Variants in FSTL5 observed in about 807,000 individuals in gnomAD.
FSTL5 encodes the protein follistatin-related protein 5.
FSTL5 carries 62 observed loss-of-function variants against 89.1 expected under a neutral mutation model. The observed-to-expected ratio is 0.70, with a 90% CI of 0.57 to 0.86. The LOEUF (loss-of-function observed/expected upper bound fraction) is 0.86, where lower values mean the gene tolerates loss of function less well. FSTL5 is among the 40% of genes least tolerant of loss of function. FSTL5 has a pLI of 0.00. For synonymous variants in FSTL5, 383 were observed against 346.2 expected (o/e 1.11, Z -1.18); for missense variants, 1,057 against 1,001.6 (o/e 1.06, Z -0.75).
At chr4:161,704,289 T>G (rs567555708) in intron 6 of FSTL5, among the ~76,000 whole-genome samples, 1 of 152,102 alleles carries the variant, frequency 6.6e-6, no homozygotes, top group African/African-American at 2.4e-5. Flanking sequence ...GAACCAATGT[T>G]CATCTTGCAT....
At chr4:161,566,496 G>A (rs1313516292) in intron 8 of FSTL5, among the ~76,000 whole-genome samples, 1 of 152,008 alleles carries the variant, frequency 6.6e-6, no homozygotes, top group Non-Finnish European at 1.5e-5. Flanking sequence ...TGGATTGAAT[G>A]GTAGTTCAAG....
chr4:162,065,186 C>T (rs543079633), intron 2 of FSTL5, among the ~76,000 whole-genome samples: 3 of 151,928 alleles, frequency 2.0e-5, no homozygotes, highest in Non-Finnish European at 2.9e-5. Flanking sequence ...ATCTCTTTGA[C>T]ATTAATCTTG....
intron 3 of FSTL5, among the ~76,000 whole-genome samples, chr4:161,983,087 T>C (rs938103122): frequency 6.6e-6 from 1 of 152,152 alleles, no homozygotes; most frequent in African/African-American, 2.4e-5. Flanking sequence ...TTTGTACGCA[T>C]TGCACTGACA....
intron 7 of FSTL5, among the ~76,000 whole-genome samples, chr4:161,618,711 C>A (rs1477714935): frequency 1.3e-5 from 2 of 152,098 alleles, no homozygotes; most frequent in African/African-American, 4.8e-5. Context: ...TGATGTGCTG[C>A]TGGATTCGTT....
chr4:161,813,516 AT>A (rs1730231285), intron 4 of FSTL5, among the ~76,000 whole-genome samples: 1 of 152,174 alleles, frequency 6.6e-6, no homozygotes, highest in African/African-American at 2.4e-5. Context: ...AAGCTGTTTA[AT>A]TTCTTTGAAT....
chr4:161,860,258 A>C (rs934846438), intron 4 of FSTL5, among the ~76,000 whole-genome samples: 7 of 151,620 alleles, frequency 4.6e-5, no homozygotes, highest in South Asian at 2.1e-4. Flanking sequence ...ACTGCACTCC[A>C]GCCTAGGCGA....
At chr4:161,773,384 A>T (rs1741279254) in intron 5 of FSTL5, among the ~76,000 whole-genome samples, 1 of 152,236 alleles carries the variant, frequency 6.6e-6, no homozygotes, top group Non-Finnish European at 1.5e-5. Context: ...CAGCAAAAGA[A>T]ACAATCAACA....
intron 3 of FSTL5, among the ~76,000 whole-genome samples, chr4:161,948,786 A>G (rs1734810652): frequency 6.6e-6 from 1 of 151,620 alleles, no homozygotes; most frequent in Non-Finnish European, 1.5e-5. Context: ...GTATTCATGT[A>G]TAATGTATTT....
chr4:161,819,047 TA>T (rs1041313280), intron 4 of FSTL5, among the ~76,000 whole-genome samples: 12 of 152,258 alleles, frequency 7.9e-5, no homozygotes, highest in African/African-American at 2.4e-4. Context: ...ATAAAATGAT[TA>T]AAAGTAGTGC....
At chr4:162,109,675 C>A (rs1475535367) in intron 2 of FSTL5, among the ~76,000 whole-genome samples, 2 of 151,954 alleles carry the variant, frequency 1.3e-5, no homozygotes, top group Non-Finnish European at 2.9e-5. Context: ...TATACTAACA[C>A]ATTAAAACCG....
At chr4:161,522,770 G>A (rs1171093735) in intron 10 of FSTL5, among the ~76,000 whole-genome samples, 1 of 151,624 alleles carries the variant, frequency 6.6e-6, no homozygotes, top group East Asian at 1.9e-4. Context: ...CAGTCAAATA[G>A]TCGATTGCCA....
intron 4 of FSTL5, among the ~76,000 whole-genome samples, chr4:161,871,780 C>G (rs182494453): frequency 1.2e-4 from 19 of 152,038 alleles, no homozygotes; most frequent in South Asian, 4.1e-4. Flanking sequence ...AGATTTGAAT[C>G]ATAGCTCCTG....
At position 161,873,399 on chromosome 4, in the gene FSTL5, T is replaced by C. The variant is rs536422314; in HGVS notation, c.409+47005A>G. Among the ~76,000 whole-genome samples, 3 of 152,110 alleles carry C rather than the reference T, an allele frequency of 2.0e-5. No homozygotes were observed. The East Asian group carries it at 5.8e-4, about 29-fold the overall frequency. On this transcript the variant is annotated intron_variant, in intron 4 of 15. Coordinates refer to ENST00000306100, the MANE Select transcript of FSTL5 (RefSeq NM_020116.5). ...CAGTCAAAAAGAAAAGAAATAGACA[T>C]ACAAGAGCGACATATAAAATTACCA...
intron 8 of FSTL5, among the ~76,000 whole-genome samples, chr4:161,560,672 C>G (rs1397187225): frequency 6.6e-6 from 1 of 151,700 alleles, no homozygotes; most frequent in Non-Finnish European, 1.5e-5. Context: ...TACACAGGGT[C>G]AGGGGACCTG....
At position 161,483,232 on chromosome 4, in the gene FSTL5, A is replaced by G. The variant is rs193128074; in HGVS notation, c.1459-2063T>C. The stretch of plus-strand genomic sequence containing the variant: ...AGGACAAGAATCTATTTTGCGAGAA[A>G]CAAACACTCGATAAAATATGTACTT... On this transcript the variant is annotated intron_variant, in intron 12 of 15. Transcript: ENST00000306100. Among the ~76,000 whole-genome samples the G allele has an allele frequency of 3.3e-5, 5 of 152,352 alleles. No homozygotes were observed. The East Asian group carries it at 9.6e-4, about 29-fold the overall frequency.
intron 15 of FSTL5, among the ~76,000 whole-genome samples, chr4:161,391,502 C>A (rs1376107943): frequency 1.3e-5 from 2 of 152,118 alleles, no homozygotes; most frequent in Non-Finnish European, 2.9e-5. Context: ...TTTTCATGGA[C>A]ATAAACCATA....
intron 4 of FSTL5, among the ~76,000 whole-genome samples, chr4:161,885,139 A>T (rs1183339604): frequency 6.6e-6 from 1 of 152,152 alleles, no homozygotes; most frequent in Non-Finnish European, 1.5e-5. Flanking sequence ...AACATATTTA[A>T]ATACACACAA....
At chr4:161,814,467 A>C (rs1730264714) in intron 4 of FSTL5, among the ~76,000 whole-genome samples, 1 of 152,154 alleles carries the variant, frequency 6.6e-6, no homozygotes, top group Admixed American at 6.5e-5. Flanking sequence ...TTACATTGGC[A>C]TTATTTATTT....
intron 10 of FSTL5, among the ~76,000 whole-genome samples, chr4:161,531,702 A>G (rs1333434033): frequency 6.6e-6 from 1 of 152,184 alleles, no homozygotes; most frequent in East Asian, 1.9e-4. Flanking sequence ...AGGTATACTC[A>G]ATCAGTGGAG....
Sources: allele counts gnomAD v4.1 joint callset (sites outside exome capture counted in the v4.1 genomes callset), GRCh38; gene constraint gnomAD v4.1.1; transcripts MANE v1.5; gene names NCBI Gene and HGNC (gene_info 2026-07-23, HGNC 2026-07-21).